The following DIP2C variants were observed in gnomAD, a reference collection of about 807,000 sequenced individuals.
The protein encoded by DIP2C is disco-interacting protein 2 homolog C.
A neutral mutation model predicts 192.4 loss-of-function variants in DIP2C; 33 were observed. The ratio of observed to expected loss-of-function variants is 0.17; its 90% CI spans 0.13 to 0.23. DIP2C has a LOEUF of 0.23. DIP2C is among the 10% of genes least tolerant of loss of function. DIP2C has a pLI of 1.00. For synonymous variants in DIP2C, 979 were observed against 864.1 expected, an observed-to-expected ratio of 1.13 and a Z score of -2.33; for missense variants, 1,537 against 2,110.1, an observed-to-expected ratio of 0.73 and a Z score of 5.32.
At chr10:532,027 G>C (rs1564823899) in intron 1 of DIP2C, among the ~76,000 whole-genome samples, 1 of 152,228 alleles carries the variant, frequency 6.6e-6, no homozygotes, top group Non-Finnish European at 1.5e-5. Flanking sequence ...CTAGAATGCA[G>C]ATGGCTGCTG....
At chr10:368,935 G>A (rs1960629265) in intron 18 of DIP2C, among the ~76,000 whole-genome samples, 1 of 152,254 alleles carries the variant, frequency 6.6e-6, no homozygotes, top group African/African-American at 2.4e-5. Context: ...CGGCTCCTGG[G>A]AGGTGCCTGG....
intron 1 of DIP2C, among the ~76,000 whole-genome samples, chr10:506,119 T>C (rs571424403): frequency 2.4e-4 from 37 of 152,282 alleles, no homozygotes; most frequent in South Asian, 2.3e-3. Context: ...CTGCATGGCA[T>C]TGACATGCTT....
In DIP2C at chr10:519,457, A is replaced by T. The variant is rs1588372479; in HGVS notation, c.86-32927T>A. On this transcript the variant is annotated intron_variant, in intron 1 of 36. Coordinates refer to ENST00000280886, the MANE Select transcript of DIP2C (RefSeq NM_014974.3). ...TTCCTGAGTGCTGACCCCGCGTGGT[A>T]TTGGATATGGCAATAAGGCAGGACC... is the stretch of plus-strand genomic sequence containing the variant. Among the ~76,000 whole-genome samples, 3 of 152,164 alleles carry T rather than the reference A, an allele frequency of 2.0e-5. No homozygotes were observed. In the East Asian group the frequency reaches 5.8e-4, roughly 29 times the overall value.
chr10:638,520 ATATT>A (rs1854959554), intron 1 of DIP2C, among the ~76,000 whole-genome samples: 1 of 152,226 alleles, frequency 6.6e-6, no homozygotes, highest in Non-Finnish European at 1.5e-5. Context: ...TTTCACCTAA[ATATT>A]TAAATTCTCG....
chr10:529,310 C>T (rs931679632), intron 1 of DIP2C, among the ~76,000 whole-genome samples: 1 of 151,622 alleles, frequency 6.6e-6, no homozygotes, highest in Non-Finnish European at 1.5e-5. Context: ...AATTCCTACT[C>T]ACAGAGCTGA....
chr10:482,313 G>A (rs114014245), intron 2 of DIP2C, among the ~76,000 whole-genome samples: 2,354 of 152,258 alleles, frequency 0.015, 66 homozygotes, highest in African/African-American at 0.053. Context: ...AGAGGCCTCC[G>A]GTGCAGACAG....
intron 28 of DIP2C, among the ~76,000 whole-genome samples, chr10:341,642 T>TA (rs1958154512): frequency 1.3e-5 from 2 of 152,136 alleles, no homozygotes; most frequent in Non-Finnish European, 1.5e-5. Context: ...TACCCAAGGA[T>TA]ACCTACAAGA....
chr10:337,841 G>A (rs1353202548), intron 29 of DIP2C, among the ~76,000 whole-genome samples: 1 of 24,358 alleles, frequency 4.1e-5, no homozygotes, highest in Non-Finnish European at 8.8e-5. Context: ...TGTGTGTTGT[G>A]GAGGCCTAGG....
At chr10:392,217 C>T (rs1175035322) in intron 10 of DIP2C, among the ~76,000 whole-genome samples, 2 of 152,246 alleles carry the variant, frequency 1.3e-5, no homozygotes, top group Admixed American at 6.5e-5. Context: ...AGAGGTGGGG[C>T]GACATCAGCT....
At chr10:361,522 T>C (rs1959501632) in intron 22 of DIP2C, among the ~76,000 whole-genome samples, 1 of 152,202 alleles carries the variant, frequency 6.6e-6, no homozygotes, top group Non-Finnish European at 1.5e-5. Flanking sequence ...CATAAACACT[T>C]GTCTGAACCC....
At chr10:509,299 C>T (rs534933776) in intron 1 of DIP2C, among the ~76,000 whole-genome samples, 2 of 152,334 alleles carry the variant, frequency 1.3e-5, no homozygotes, top group East Asian at 3.9e-4. Flanking sequence ...CAGACTTCTG[C>T]AGCATCCTCC....
At chr10:304,722 C>G (rs1036032019) in intron 32 of DIP2C, among the ~76,000 whole-genome samples, 2 of 150,334 alleles carry the variant, frequency 1.3e-5, no homozygotes, top group African/African-American at 4.9e-5. Flanking sequence ...TGCATGCACA[C>G]ACGTACACAT....
chr10:297,765 ATAAC>A (rs1394659634), intron 32 of DIP2C, among the ~76,000 whole-genome samples: 3 of 152,208 alleles, frequency 2.0e-5, no homozygotes, highest in South Asian at 2.1e-4. Context: ...CAGGATGACT[ATAAC>A]TAACAGTAAT....
intron 6 of DIP2C, among the ~76,000 whole-genome samples, chr10:418,052 C>CCCTGTCCACCTGCACCTGTCAGGGCTCG (rs1965885515): frequency 7.8e-5 from 1 of 12,844 alleles, no homozygotes; most frequent in African/African-American, 2.0e-4. Flanking sequence ...GTCAGGGCTT[C>CCCTGTCCACCTGCACCTGTCAGGGCTCG]GATAGGCCTC....
chr10:622,510 T>G (rs563229937), intron 1 of DIP2C, among the ~76,000 whole-genome samples: 1 of 152,108 alleles, frequency 6.6e-6, no homozygotes, highest in South Asian at 2.1e-4. Context: ...TTATAACTGT[T>G]AGCATAAACA....
intron 1 of DIP2C, among the ~76,000 whole-genome samples, chr10:606,155 G>A (rs1274261882): frequency 2.6e-5 from 4 of 152,226 alleles, no homozygotes; most frequent in African/African-American, 9.6e-5. Flanking sequence ...TGGGTTCTAA[G>A]TTGTCCTCAG....
At position 626,868 on chromosome 10, in the gene DIP2C, C is replaced by A. The variant is rs577752997; in HGVS notation, c.85+62626G>T. Reference sequence around the variant, plus strand: ...TTTCACTACAACTGTTTGGACCATTCGTGAACGAATCAGTTAAATACCAAG... The same window carrying A: ...TTTCACTACAACTGTTTGGACCATTAGTGAACGAATCAGTTAAATACCAAG... On this transcript the variant is annotated intron_variant, in intron 1 of 36. Coordinates refer to ENST00000280886, the MANE Select transcript of DIP2C (RefSeq NM_014974.3). Among the ~76,000 whole-genome samples the A allele has an allele frequency of 7.2e-5, 11 of 152,330 alleles. No individual in the cohort carries two copies. The East Asian group carries it at 1.9e-3, about 27-fold the overall frequency.
chr10:546,988 G>C (rs925517276), intron 1 of DIP2C, among the ~76,000 whole-genome samples: 3 of 152,206 alleles, frequency 2.0e-5, no homozygotes, highest in African/African-American at 7.2e-5. Flanking sequence ...AAGTGGCAGA[G>C]TTTGTAAGTC....
intron 1 of DIP2C, among the ~76,000 whole-genome samples, chr10:522,545 C>A (rs947468): frequency 0.72 from 110,063 of 152,180 alleles, 42,836 homozygotes; most frequent in South Asian, 0.86. Flanking sequence ...ATGCCCCACA[C>A]GCCCACCAGC....
Sources: allele counts gnomAD v4.1 joint callset (sites outside exome capture counted in the v4.1 genomes callset), GRCh38; gene constraint gnomAD v4.1.1; transcripts MANE v1.5; gene names NCBI Gene and HGNC (gene_info 2026-07-23, HGNC 2026-07-21).